NRG3: variants seen among roughly 807,000 people sequenced by gnomAD.
The protein encoded by NRG3 is pro-neuregulin-3, membrane-bound isoform.
NRG3 carries 31 observed loss-of-function variants against 66.9 expected under a neutral mutation model. The ratio of observed to expected loss-of-function variants is 0.46; its 90% CI spans 0.35 to 0.63. The LOEUF is 0.63. Ranked by LOEUF, NRG3 falls within the 20% of genes least tolerant of loss-of-function variation. NRG3 has a pLI of 0.00. For synonymous variants in NRG3, 393 were observed against 359.4 expected, an observed-to-expected ratio of 1.09 and a Z score of -1.06; for missense variants, 910 against 878.9, an observed-to-expected ratio of 1.04 and a Z score of -0.45.
At chr10:82,803,646 G>C (rs1262859415) in intron 3 of NRG3, among the ~76,000 whole-genome samples, 1 of 152,154 alleles carries the variant, frequency 6.6e-6, no homozygotes, top group African/African-American at 2.4e-5. Context: ...GAATAAAAGG[G>C]TGGTGATTGA....
intron 1 of NRG3, among the ~76,000 whole-genome samples, chr10:82,281,689 C>T: frequency 6.6e-6 from 1 of 152,046 alleles, no homozygotes; most frequent in East Asian, 1.9e-4. Context: ...TAGATGGAGC[C>T]AGAGGTGCTT....
chr10:82,080,298 C>G (rs2065316542), intron 1 of NRG3, among the ~76,000 whole-genome samples: 1 of 152,178 alleles, frequency 6.6e-6, no homozygotes, highest in Non-Finnish European at 1.5e-5. Context: ...TTCAACAACC[C>G]TGGGTTCTTG....
intron 4 of NRG3, among the ~76,000 whole-genome samples, chr10:82,922,510 G>A (rs1846535853): frequency 6.6e-6 from 1 of 152,138 alleles, no homozygotes; most frequent in Non-Finnish European, 1.5e-5. Context: ...ATGAGTTACA[G>A]GTCCTGTATA....
chr10:82,021,497 A>G (rs1476072916), intron 1 of NRG3, among the ~76,000 whole-genome samples: 1 of 152,126 alleles, frequency 6.6e-6, no homozygotes, highest in Non-Finnish European at 1.5e-5. Flanking sequence ...AATGTTTAAC[A>G]GGAATTGGCT....
At chr10:82,396,180 GT>G (rs2086703834) in intron 2 of NRG3, among the ~76,000 whole-genome samples, 1 of 152,094 alleles carries the variant, frequency 6.6e-6, no homozygotes, top group Non-Finnish European at 1.5e-5. Context: ...ATCCCCAAGA[GT>G]TTTCTTAATG....
intron 4 of NRG3, among the ~76,000 whole-genome samples, chr10:82,922,169 A>G (rs1416272476): frequency 1.3e-5 from 2 of 152,092 alleles, no homozygotes; most frequent in Non-Finnish European, 2.9e-5. Flanking sequence ...TATTCTATAT[A>G]TATATATGTA....
At chr10:82,874,664 A>G (rs531073278) in intron 4 of NRG3, among the ~76,000 whole-genome samples, 2 of 152,300 alleles carry the variant, frequency 1.3e-5, no homozygotes, top group African/African-American at 4.8e-5. Context: ...TGAGTGAATG[A>G]AGTAGTAACT....
At chr10:82,093,696 C>T (rs1016381312) in intron 1 of NRG3, among the ~76,000 whole-genome samples, 2 of 152,168 alleles carry the variant, frequency 1.3e-5, no homozygotes, top group African/African-American at 4.8e-5. Context: ...GCCACCTCTT[C>T]ACTGGAGAAT....
chr10:82,637,219 G>A (rs1375122235), intron 2 of NRG3, among the ~76,000 whole-genome samples: 1 of 152,024 alleles, frequency 6.6e-6, no homozygotes, highest in Non-Finnish European at 1.5e-5. Context: ...TATATTAAAA[G>A]GACACATAAG....
intron 4 of NRG3, among the ~76,000 whole-genome samples, chr10:82,911,110 T>C (rs1243803042): frequency 6.6e-6 from 1 of 152,220 alleles, no homozygotes; most frequent in Non-Finnish European, 1.5e-5. Context: ...GAGGTAAATA[T>C]ATATGTATGC....
intron 1 of NRG3, among the ~76,000 whole-genome samples, chr10:82,091,640 C>T (rs538191914): frequency 2.6e-5 from 4 of 152,138 alleles, no homozygotes; most frequent in Admixed American, 6.5e-5. Flanking sequence ...AACAGATATT[C>T]GAGTCTCTGA....
intron 1 of NRG3, among the ~76,000 whole-genome samples, chr10:82,349,773 C>T (rs536518919): frequency 6.6e-6 from 1 of 152,182 alleles, no homozygotes; most frequent in Non-Finnish European, 1.5e-5. Context: ...CTTGGTGTGC[C>T]GTTTTTTAAG....
intron 2 of NRG3, among the ~76,000 whole-genome samples, chr10:82,535,663 T>C (rs1485323568): frequency 6.6e-6 from 1 of 152,160 alleles, no homozygotes; most frequent in Non-Finnish European, 1.5e-5. Context: ...AGAACCTGCA[T>C]ATGAGAGATC....
At chr10:82,443,769 G>A (rs1321927017) in intron 2 of NRG3, among the ~76,000 whole-genome samples, 3 of 152,310 alleles carry the variant, frequency 2.0e-5, no homozygotes, top group African/African-American at 7.2e-5. Flanking sequence ...TTTTAAAGAA[G>A]AGGCAATATC....
chr10:82,642,363 G>A (rs895980162), intron 2 of NRG3, among the ~76,000 whole-genome samples: 6 of 151,544 alleles, frequency 4.0e-5, no homozygotes, highest in Non-Finnish European at 8.8e-5. Flanking sequence ...TTAATTAATA[G>A]ACCAAGACAT....
chr10:82,468,161 T>C (rs1349603222), intron 2 of NRG3, among the ~76,000 whole-genome samples: 1 of 152,178 alleles, frequency 6.6e-6, no homozygotes, highest in Non-Finnish European at 1.5e-5. Context: ...AGGTGGTTAG[T>C]GTTAGAACTA....
chr10:82,350,977 C>T (rs1419472951), intron 1 of NRG3, among the ~76,000 whole-genome samples: 2 of 151,862 alleles, frequency 1.3e-5, no homozygotes, highest in African/African-American at 4.8e-5. Flanking sequence ...CTGCAAGCTC[C>T]GCCTCCTGGG....
intron 1 of NRG3, among the ~76,000 whole-genome samples, chr10:82,169,549 T>C (rs2072391085): frequency 6.6e-6 from 1 of 151,616 alleles, no homozygotes; most frequent in Non-Finnish European, 1.5e-5. Flanking sequence ...GGTATATTAC[T>C]TACATCTCTG....
chr10:82,817,020 T>A (rs766776038), intron 3 of NRG3, among the ~76,000 whole-genome samples: 1 of 152,252 alleles, frequency 6.6e-6, no homozygotes, highest in African/African-American at 2.4e-5. Flanking sequence ...TGTACTTATC[T>A]ATGAAGTAGA....
Sources: gnomAD v4.1 joint callset for allele counts (sites outside exome capture counted in the v4.1 genomes callset) on GRCh38, gnomAD v4.1.1 for gene constraint, MANE v1.5 for transcripts, NCBI Gene and HGNC (gene_info 2026-07-23, HGNC 2026-07-21) for gene names.